ZC3HAV1: variants seen among roughly 807,000 people sequenced by gnomAD.
ZC3HAV1 encodes zinc finger CCCH-type antiviral protein 1.
ZC3HAV1 carries 41 observed loss-of-function variants against 86.6 expected under a neutral mutation model. The ratio of observed to expected loss-of-function variants is 0.47; its 90% CI spans 0.37 to 0.61. The LOEUF (loss-of-function observed/expected upper bound fraction) is 0.61. Ranked by LOEUF, ZC3HAV1 falls within the 20% of genes least tolerant of loss-of-function variation. The pLI, the probability that ZC3HAV1 is intolerant of heterozygous loss-of-function variation, is 0.00. For missense variants in ZC3HAV1, 964 were observed against 1,141.1 expected (o/e 0.84, Z 2.24); for synonymous variants, 421 against 432.1 (o/e 0.97, Z 0.32).
chr7:139,071,199 C>A (rs1816764125), intron 7 of ZC3HAV1, among the ~76,000 whole-genome samples: 1 of 150,910 alleles, frequency 6.6e-6, no homozygotes, highest in South Asian at 2.1e-4. Context: ...TTGGTTCAAG[C>A]AATTTTCCTG....
At chr7:139,091,236 A>C (rs925256631) in intron 1 of ZC3HAV1, among the ~76,000 whole-genome samples, 3 of 152,194 alleles carry the variant, frequency 2.0e-5, no homozygotes, top group Non-Finnish European at 2.9e-5. Context: ...GCGGTGGCTC[A>C]TGCCTGTAAT....
chr7:139,059,676 T>A (rs1396254830), intron 9 of ZC3HAV1, among the ~76,000 whole-genome samples: 2 of 152,078 alleles, frequency 1.3e-5, no homozygotes, highest in African/African-American at 2.4e-5. Context: ...AGATTCTAAT[T>A]CTTGGGAAAT....
chr7:139,076,588 C>T (rs1816958936), intron 5 of ZC3HAV1, among the ~76,000 whole-genome samples, 179 bp from the exon 6 acceptor site: 3 of 152,006 alleles, frequency 2.0e-5, no homozygotes, highest in Admixed American at 2.0e-4. Context: ...ACCTTGGAGA[C>T]TCATCAGAAA....
At chr7:139,073,439 C>T (rs903935836) in intron 7 of ZC3HAV1, among the ~76,000 whole-genome samples, 2 of 152,032 alleles carry the variant, frequency 1.3e-5, no homozygotes, top group African/African-American at 2.4e-5. Flanking sequence ...CCACACTCCA[C>T]GGGTAACCAT....
rs773115393 is a variant in ZC3HAV1 at position 139,047,710 on chromosome 7, C to T, written c.2593G>A (p.Asp865Asn). The change falls in exon 13 of 13, where the codon GAC becomes AAC. Residue 865 changes from aspartate to asparagine, a missense_variant. Asp to Asn is a conservative substitution (Grantham distance 23). Transcript: ENST00000242351. Reference protein sequence around the residue: ...ITYTSPPPQFDSCVDTRSNPS... With the variant: ...ITYTSPPPQFNSCVDTRSNPS... ...TTCGATCTGGTATCCACACAGCTGT[C>T]GAACTGTGGAGGAGGGCTCGTGTAC... The T allele has an allele frequency of 6.2e-6, 10 of 1,613,988 alleles. No homozygotes were observed. The highest frequency in any genetic ancestry group is 2.2e-5 in the East Asian group (1 of 44,896).
Position 139,079,509 on chromosome 7 carries a change from T to G in ZC3HAV1, c.1432A>C (p.Ile478Leu). 2 of 1,614,254 alleles carry G rather than the reference T, an allele frequency of 1.2e-6. No homozygotes were observed. The highest frequency in any genetic ancestry group is 8.5e-7 in the Non-Finnish European group (1 of 1,180,044). The change falls in exon 4 of 13, where the codon ATC becomes CTC. Residue 478 changes from isoleucine to leucine, a missense_variant. Transcript: ENST00000242351. ...ACTCTTGGGTCAGCATCATCTGCGA[T>G]TCTGCCAGTGGCCTGGACATCTCGG... ...ASRDVQATGRIADDADPRVAL... is the reference protein window; with the variant it reads ...ASRDVQATGRLADDADPRVAL...
chr7:139,102,211 G>T (rs918878872), intron 1 of ZC3HAV1, among the ~76,000 whole-genome samples: 2 of 152,124 alleles, frequency 1.3e-5, no homozygotes, highest in African/African-American at 4.8e-5. Flanking sequence ...GCACCTGACC[G>T]CAGCCTTGTC....
At chr7:139,069,698 T>G (rs1816712927) in intron 7 of ZC3HAV1, among the ~76,000 whole-genome samples, 1 of 152,130 alleles carries the variant, frequency 6.6e-6, no homozygotes, top group Non-Finnish European at 1.5e-5. Context: ...TACATCAATT[T>G]CCATAAAAGG....
chr7:139,056,415 C>A (rs370094945), intron 9 of ZC3HAV1, among the ~76,000 whole-genome samples: 548 of 35,976 alleles, frequency 0.015, 7 homozygotes, highest in African/African-American at 0.059. Flanking sequence ...CTTTTCTTTT[C>A]TTTTTTTTTT....
rs1308895798 is a variant in ZC3HAV1 at position 139,079,585 on chromosome 7, G to A, written c.1356C>T (p.Ser452=). The change falls in exon 4 of 13, where the codon AGC becomes AGT. Residue 452 remains serine (S), a synonymous_variant. Coordinates refer to ENST00000242351, the MANE Select transcript of ZC3HAV1 (RefSeq NM_020119.4). ...TRSLNYKSTS[S]GHREISSPRI... ...TAGGTGATGATATTTCTCTGTGACC[G>A]CTGCTAGTGCTTTTGTAATTTAAGG... 13 of 1,614,154 alleles carry A rather than the reference G, an allele frequency of 8.1e-6. No homozygotes were observed. The highest frequency in any genetic ancestry group is 1.3e-5 in the African/African-American group (1 of 75,028).
At chr7:139,093,720 CTCTT>C (rs1011417228) in intron 1 of ZC3HAV1, among the ~76,000 whole-genome samples, 45 of 152,312 alleles carry the variant, frequency 3.0e-4, no homozygotes, top group African/African-American at 9.4e-4. Flanking sequence ...TTCGCTGACT[CTCTT>C]TCCGGACTCA....
At chr7:139,072,651 A>G (rs1407477630) in intron 7 of ZC3HAV1, among the ~76,000 whole-genome samples, 1 of 152,114 alleles carries the variant, frequency 6.6e-6, no homozygotes, top group East Asian at 1.9e-4. Context: ...CTGCTCACCT[A>G]AACTTCCCTC....
At chr7:139,089,918 T>A (rs1420895900) in intron 1 of ZC3HAV1, among the ~76,000 whole-genome samples, 159 bp from the exon 2 acceptor site, 1 of 152,212 alleles carries the variant, frequency 6.6e-6, no homozygotes, top group African/African-American at 2.4e-5. Flanking sequence ...TTTATTTATT[T>A]TTTTTACTTT....
chr7:139,103,502 A>G (rs1172056497), intron 1 of ZC3HAV1, among the ~76,000 whole-genome samples: 5 of 152,216 alleles, frequency 3.3e-5, no homozygotes, highest in African/African-American at 1.2e-4. Flanking sequence ...AATTGGCCAG[A>G]AAATGAGGAA....
chr7:139,076,265 A>G (rs1816940785), intron 6 of ZC3HAV1, 21 bp downstream of exon 6: 1 of 1,614,118 alleles, frequency 6.2e-7, no homozygotes, highest in East Asian at 2.2e-5. Flanking sequence ...CTTGAAAGCC[A>G]GAGTACAGCC....
In ZC3HAV1 at chr7:139,045,600, A is replaced by G. The variant is rs1052050332; in HGVS notation, c.*1994T>C. The G allele has an allele frequency of 6.6e-6, 1 of 152,138 alleles. No homozygotes were observed. The highest frequency in any genetic ancestry group is 1.5e-5 in the Non-Finnish European group (1 of 68,026). 9.4% of individuals were successfully genotyped at this position (152,138 alleles called of 1,614,324 possible). A position where few individuals can be genotyped will look rare whatever the true frequency, so the allele number is the denominator to read the frequency against. ...GACTTCCAGATTTCTGCTTGAGCCA[A>G]TGGGTAGATGGTGATGCTTTTCACT... is the stretch of plus-strand genomic sequence containing the variant. On this transcript the variant is annotated 3_prime_UTR_variant, in exon 13 of 13. Transcript: ENST00000242351.
At chr7:139,096,003 CAAT>C (rs1817575104) in intron 1 of ZC3HAV1, among the ~76,000 whole-genome samples, 1 of 140,834 alleles carries the variant, frequency 7.1e-6, no homozygotes, top group Non-Finnish European at 1.5e-5. Context: ...GTTACTGCTA[CAAT>C]GTTTTTTTTT....
At chr7:139,061,010 G>A in intron 9 of ZC3HAV1, 26 bp downstream of exon 9, 2 of 1,612,882 alleles carry the variant, frequency 1.2e-6, no homozygotes, top group Non-Finnish European at 1.7e-6. Flanking sequence ...GCATCTGTCA[G>A]CAAACAGCTG....
At chr7:139,097,420 A>ATTT (rs1563140627) in intron 1 of ZC3HAV1, among the ~76,000 whole-genome samples, 4 of 79,170 alleles carry the variant, frequency 5.1e-5, no homozygotes, top group Non-Finnish European at 8.7e-5. Flanking sequence ...ATATATATAT[A>ATTT]TATATATATT....
Sources: allele counts gnomAD v4.1 joint callset (sites outside exome capture counted in the v4.1 genomes callset), GRCh38; gene constraint gnomAD v4.1.1; transcripts MANE v1.5; gene names NCBI Gene and HGNC (gene_info 2026-07-23, HGNC 2026-07-21).